TTBK1: variants seen among roughly 807,000 people sequenced by gnomAD.
The protein encoded by TTBK1 is tau tubulin kinase 1.
TTBK1 carries 34 observed loss-of-function variants against 108.5 expected under a neutral mutation model. That is an observed-to-expected ratio of 0.31 (90% CI 0.24 to 0.42). The LOEUF is 0.42. TTBK1 is among the 10% of genes least tolerant of loss of function. TTBK1 has a pLI of 1.00. For missense variants in TTBK1, 1,539 were observed against 1,826.0 expected, an observed-to-expected ratio of 0.84 and a Z score of 2.86; for synonymous variants, 809 against 795.1, an observed-to-expected ratio of 1.02 and a Z score of -0.29.
intron 1 of TTBK1, among the ~76,000 whole-genome samples, chr6:43,244,472 C>T (rs1015395689): frequency 6.6e-6 from 1 of 152,162 alleles, no homozygotes; most frequent in Non-Finnish European, 1.5e-5. Flanking sequence ...CTGCATAAGC[C>T]CTCGCCTTCA....
At chr6:43,261,019 A>G (rs1460184617) in intron 12 of TTBK1, among the ~76,000 whole-genome samples, 1 of 152,118 alleles carries the variant, frequency 6.6e-6, no homozygotes, top group Non-Finnish European at 1.5e-5. Flanking sequence ...ACATCCATCA[A>G]AACAAACTGT....
rs1777459116 is a variant in TTBK1, at chr6:43,259,184, T to A, written c.1163T>A (p.Leu388His). Reference protein sequence around the residue: ...PSEGLGPSPHLVPHPGGPEAE... With the variant: ...PSEGLGPSPHHVPHPGGPEAE... Reference sequence around the variant, plus strand: ...GAGGGGCTGGGCCCCAGTCCCCACCTTGTCCCCCACCCCGGGGGTCCTGAG... The same window carrying A: ...GAGGGGCTGGGCCCCAGTCCCCACCATGTCCCCCACCCCGGGGGTCCTGAG... Residue 388 changes from leucine to histidine, a missense_variant, in exon 11 of 15, where the codon CTT (leucine) becomes CAT (histidine). Physicochemically the swap from Leu to His is moderately conservative, Grantham distance 99. Around this residue, in one of 5 missense-constraint regions of TTBK1, gnomAD observed 277 missense variants for 332.4 expected, o/e 0.83. Transcript: ENST00000259750. This position sits in a 1 kb window ranked among gnomAD's most constrained non-coding sequence, Gnocchi z 6.7. 6.2e-7 allele frequency: 1 copy of A among 1,609,322 alleles called. No homozygotes were observed. The highest frequency in any genetic ancestry group is 1.7e-5 in the Admixed American group (1 of 59,060).
chr6:43,282,872 C>G lies in TTBK1; in HGVS notation c.2132C>G (p.Ser711Trp). The G allele has an allele frequency of 6.2e-7, 1 of 1,613,986 alleles. No individual in the cohort carries two copies. The highest frequency in any genetic ancestry group is 8.5e-7 in the Non-Finnish European group (1 of 1,180,008). ...AACAGGGTCCGGAGGGTGGGCTTCT[C>G]GCACATGCTGCTCACCACCCCCCAG... ...LLNRVRRVGF[S>W]HMLLTTPQVP... The change falls in exon 14 of 15, where the codon TCG becomes TGG. Residue 711 changes from serine to tryptophan, a missense_variant. Ser to Trp is a radical substitution (Grantham distance 177, BLOSUM62 -3). This residue lies in a region of TTBK1 where 1,055 missense variants were observed against 1,086.5 expected (regional missense o/e 0.97). Coordinates refer to ENST00000259750, the MANE Select transcript of TTBK1 (RefSeq NM_032538.3). This position sits in a 1 kb window ranked among gnomAD's most constrained non-coding sequence, Gnocchi z 5.4.
Position 43,259,365 on chromosome 6 carries a change from C to G in TTBK1, c.1248+96C>G, listed in dbSNP as rs1729782389. 1.6e-6 allele frequency: 2 copies of G among 1,285,254 alleles called. No homozygotes were observed. The highest frequency in any genetic ancestry group is 2.1e-6 in the Non-Finnish European group (2 of 943,332). 79.6% of individuals were successfully genotyped at this position (1,285,254 alleles called of 1,614,324 possible). Reference sequence around the variant, plus strand: ...GCCCTGTTCCTCCTAAGCACCCTGTCCCCGGCCATCTGCCTGCTTGCCCTG... The same window carrying G: ...GCCCTGTTCCTCCTAAGCACCCTGTGCCCGGCCATCTGCCTGCTTGCCCTG... On this transcript the variant is annotated intron_variant, in intron 11 of 14. Transcript: ENST00000259750. This position sits in a 1 kb window ranked among gnomAD's most constrained non-coding sequence, Gnocchi z 6.7.
rs1778345438 is a variant in TTBK1, at chr6:43,285,353, G to C, written c.3943G>C (p.Glu1315Gln). 1.6e-6 allele frequency: 2 copies of C among 1,283,910 alleles called. No individual in the cohort carries two copies. The highest frequency in any genetic ancestry group is 2.0e-6 in the Non-Finnish European group (2 of 1,020,526). The allele number at this position is 1,283,910 out of a possible 1,614,324, so 79.5% of individuals were successfully genotyped here. The change falls in exon 15 of 15, where the codon GAG becomes CAG. Residue 1315 changes from glutamate to glutamine, a missense_variant. Physicochemically the swap from Glu to Gln is conservative, Grantham distance 29. Coordinates refer to ENST00000259750, the MANE Select transcript of TTBK1 (RefSeq NM_032538.3). This position sits in a 1 kb window ranked among gnomAD's most constrained non-coding sequence, Gnocchi z 4.7. ...AACCAAAGGCCGGGCAGGAGGCGCG[G>C]AGGGCCGGGCTGGGGCCAGATAATG... is the stretch of plus-strand genomic sequence containing the variant. ...ATTKGRAGGA[E>Q]GRAGAR
Position 43,283,795 on chromosome 6 carries a change from G to C in TTBK1, c.3055G>C (p.Ala1019Pro). 1 of 1,613,130 alleles carries C rather than the reference G, an allele frequency of 6.2e-7. No homozygotes were observed. The highest frequency in any genetic ancestry group is 8.5e-7 in the Non-Finnish European group (1 of 1,179,780). The change falls in exon 14 of 15, where the codon GCC (alanine) becomes CCC (proline). Residue 1019 changes from alanine (A) to proline (P), a missense_variant. Ala to Pro is a conservative substitution (Grantham distance 27). Around this residue, in one of 5 missense-constraint regions of TTBK1, gnomAD observed 1,055 missense variants for 1,086.5 expected, o/e 0.97. Transcript: ENST00000259750. This position sits in a 1 kb window ranked among gnomAD's most constrained non-coding sequence, Gnocchi z 8.1. ...MATNSLPNGP[A>P]LADGPAPVSP... is the part of the protein sequence containing the mutation. ...CACAAACTCACTGCCCAATGGCCCG[G>C]CCCTTGCAGACGGGCCAGCCCCGGT...
rs1420517844 is a variant in TTBK1, at chr6:43,257,723, C to T, written c.862-89C>T. The T allele has an allele frequency of 2.1e-6, 3 of 1,417,636 alleles. No individual in the cohort carries two copies. Among genetic ancestry groups the T allele is most frequent in the Non-Finnish European group, 2.9e-6 (3 of 1,030,602 alleles). The allele number at this position is 1,417,636 out of a possible 1,614,324, so 87.8% of individuals were successfully genotyped here. ...CATTCCTGTCCTGGAAAGTCCCTGT[C>T]TTCCTCCTATGATCCCAGCAACTGC... is the stretch of plus-strand genomic sequence containing the variant. On this transcript the variant is annotated intron_variant, in intron 9 of 14. Coordinates refer to ENST00000259750, the MANE Select transcript of TTBK1 (RefSeq NM_032538.3). This position sits in a 1 kb window ranked among gnomAD's most constrained non-coding sequence, Gnocchi z 4.5.
intron 10 of TTBK1, among the ~76,000 whole-genome samples, chr6:43,258,647 C>A (rs1288850502): frequency 6.6e-6 from 1 of 152,122 alleles, no homozygotes; most frequent in Non-Finnish European, 1.5e-5. Flanking sequence ...TCTATGCTCC[C>A]AGACTGCAAA....
intron 13 of TTBK1, chr6:43,271,695 CCACACCATT>C: frequency 2.0e-6 from 2 of 985,336 alleles, no homozygotes; most frequent in Non-Finnish European, 1.2e-6. Context: ...TATGGCTCAT[CCACACCATT>C]CACATAAGCC....
rs781508704 is a variant in TTBK1, at chr6:43,282,984, T to TGAGGAAGAAGAAGAG, written c.2253_2267dup (p.Glu767_Glu771dup). On this transcript the variant is annotated inframe_insertion, in exon 14 of 15. Coordinates refer to ENST00000259750, the MANE Select transcript of TTBK1 (RefSeq NM_032538.3). The surrounding 1 kb of genome is among the most constrained non-coding windows in gnomAD (Gnocchi z 5.4). ...AAGATGAGGAAGAGGAAGAAGAGGA[T>TGAGGAAGAAGAAGAG]GAGGAAGAAGAAGAGGAGGAAGAGG... The TGAGGAAGAAGAAGAG allele has an allele frequency of 4.4e-6, 7 of 1,577,554 alleles. No individual in the cohort carries two copies. In the Admixed American group the frequency reaches 5.3e-5, roughly 12 times the overall value.
chr6:43,262,404 G>A (rs1323692873), intron 12 of TTBK1, among the ~76,000 whole-genome samples: 2 of 152,162 alleles, frequency 1.3e-5, no homozygotes, highest in Non-Finnish European at 2.9e-5. Context: ...AGCCACTGGC[G>A]GGTGTGAGCA....
Position 43,285,359 on chromosome 6 carries a change from C to T in TTBK1, c.3949C>T (p.Arg1317Trp), listed in dbSNP as rs1778345612. ...AGGCCGGGCAGGAGGCGCGGAGGGC[C>T]GGGCTGGGGCCAGATAATGACGCCC... ...TKGRAGGAEGRAGAR is the reference protein window; with the variant it reads ...TKGRAGGAEGWAGAR Residue 1317 changes from arginine to tryptophan, a missense_variant, in exon 15 of 15, where the codon CGG becomes TGG. By Grantham distance (101) the Arg-to-Trp change is moderately radical (BLOSUM62 -3). Around this residue, in one of 5 missense-constraint regions of TTBK1, gnomAD observed 1,055 missense variants for 1,086.5 expected, o/e 0.97. Coordinates refer to ENST00000259750, the MANE Select transcript of TTBK1 (RefSeq NM_032538.3). This position sits in a 1 kb window ranked among gnomAD's most constrained non-coding sequence, Gnocchi z 4.7. 1.2e-5 allele frequency: 15 copies of T among 1,281,360 alleles called. No individual in the cohort carries two copies. The highest frequency in any genetic ancestry group is 1.5e-5 in the African/African-American group (1 of 64,724). The allele number at this position is 1,281,360 out of a possible 1,614,324, so 79.4% of individuals were successfully genotyped here.
In TTBK1 at chr6:43,253,302, G is replaced by C; in HGVS notation, c.268G>C (p.Val90Leu). The change falls in exon 4 of 15, where the codon GTG becomes CTG. Residue 90 changes from valine to leucine, a missense_variant. Val to Leu is a conservative substitution (Grantham distance 32). Coordinates refer to ENST00000259750, the MANE Select transcript of TTBK1 (RefSeq NM_032538.3). This position sits in a 1 kb window ranked among gnomAD's most constrained non-coding sequence, Gnocchi z 5.8. ...VLKKLQGKDH[V>L]CRFIGCGRNE... Reference sequence around the variant, plus strand: ...TCTGTGCCCCTCAGGGAAGGACCATGTGTGCAGGTTCATTGGCTGTGGCAG... The same window carrying C: ...TCTGTGCCCCTCAGGGAAGGACCATCTGTGCAGGTTCATTGGCTGTGGCAG... 1 of 1,614,154 alleles carries C rather than the reference G, an allele frequency of 6.2e-7. No individual in the cohort carries two copies.
At chr6:43,271,866 G>GCGC in intron 13 of TTBK1, 1 of 979,720 alleles carries the variant, frequency 1.0e-6, no homozygotes, top group Non-Finnish European at 1.2e-6. Flanking sequence ...TAATACTTGT[G>GCGC]CCCCACCCCC....
At chr6:43,255,912 C>T (rs967943020) in intron 9 of TTBK1, 56 bp downstream of exon 9, 7 of 1,607,494 alleles carry the variant, frequency 4.4e-6, no homozygotes, top group Non-Finnish European at 6.0e-6. Flanking sequence ...GAGTGACTGT[C>T]CCCCAGCAGA....
In TTBK1 at chr6:43,285,526, G is replaced by A. The variant is rs1267899901; in HGVS notation, c.*150G>A. 17 of 1,057,000 alleles carry A rather than the reference G, an allele frequency of 1.6e-5. No homozygotes were observed. Among genetic ancestry groups the A allele is most frequent in the Admixed American group, 4.4e-5 (1 of 22,664 alleles). 65.5% of individuals were successfully genotyped at this position (1,057,000 alleles called of 1,614,324 possible). On this transcript the variant is annotated 3_prime_UTR_variant, in exon 15 of 15. Transcript: ENST00000259750. This position sits in a 1 kb window ranked among gnomAD's most constrained non-coding sequence, Gnocchi z 4.7. ...TCCGCCTGCACCCGCGAGGACGCGC[G>A]CGAGCACACGCGGCGCCCCGCCAGG...
In TTBK1 at chr6:43,283,409, T is replaced by A; in HGVS notation, c.2669T>A (p.Val890Asp). 2 of 1,612,268 alleles carry A rather than the reference T, an allele frequency of 1.2e-6. No homozygotes were observed. Among genetic ancestry groups the A allele is most frequent in the Non-Finnish European group, 1.7e-6 (2 of 1,179,202 alleles). The part of the protein sequence containing the change: ...DVSEPGTLSS[V>D]LKSEPKPPGP... ...TCTGAGCCAGGCACCCTGTCCTCTGTCCTCAAGTCTGAGCCCAAGCCCCCG... is the reference window on the plus strand; with the variant it reads ...TCTGAGCCAGGCACCCTGTCCTCTGACCTCAAGTCTGAGCCCAAGCCCCCG... Residue 890 changes from valine to aspartate, a missense_variant, in exon 14 of 15, where the codon GTC (valine) becomes GAC (aspartate). By Grantham distance (152) the Val-to-Asp change is radical. Coordinates refer to ENST00000259750, the MANE Select transcript of TTBK1 (RefSeq NM_032538.3). This position sits in a 1 kb window ranked among gnomAD's most constrained non-coding sequence, Gnocchi z 8.1.
At chr6:43,255,197 G>GGGGGGGGGGC in intron 7 of TTBK1, 83 bp downstream of exon 7, 1 of 638,330 alleles carries the variant, frequency 1.6e-6, no homozygotes, top group Non-Finnish European at 2.9e-6. Flanking sequence ...GAGGGGTGGG[G>GGGGGGGGGGC]AGAGGAGAGT....
chr6:43,284,118 C>A lies in TTBK1; in HGVS notation c.3378C>A (p.Gly1126=). The part of the protein sequence containing the change: ...EQRRASETLS[G]TGSEEDTPAS... ...GCCGTGCCTCTGAGACCCTCTCAGGCACGGGCTCTGAGGAGGACACGCCCG... is the reference window on the plus strand; with the variant it reads ...GCCGTGCCTCTGAGACCCTCTCAGGAACGGGCTCTGAGGAGGACACGCCCG... The change falls in exon 14 of 15, where the codon GGC becomes GGA. Residue 1126 remains glycine (G), a synonymous_variant. Coordinates refer to ENST00000259750, the MANE Select transcript of TTBK1 (RefSeq NM_032538.3). The A allele has an allele frequency of 6.5e-7, 1 of 1,539,894 alleles. No homozygotes were observed. The highest frequency in any genetic ancestry group is 8.7e-7 in the Non-Finnish European group (1 of 1,147,290).
Sources: allele counts gnomAD v4.1 joint callset (sites outside exome capture counted in the v4.1 genomes callset), GRCh38; gene constraint gnomAD v4.1.1; regional missense constraint gnomAD v4.1.1; non-coding constraint Gnocchi (gnomAD v3.1); transcripts MANE v1.5; gene names NCBI Gene and HGNC (gene_info 2026-07-23, HGNC 2026-07-21).